Variants in DOCK1 observed in about 807,000 individuals in gnomAD.
DOCK1 encodes the protein dedicator of cytokinesis protein 1.
DOCK1 carries 138 observed loss-of-function variants against 262.7 expected under a neutral mutation model. The ratio of observed to expected loss-of-function variants is 0.53; its 90% CI spans 0.46 to 0.61. The LOEUF (loss-of-function observed/expected upper bound fraction) is 0.61, where lower values mean the gene tolerates loss of function less well. DOCK1 is among the 20% of genes least tolerant of loss of function. The pLI is 0.00. For missense variants in DOCK1, 1,908 were observed against 2,370.7 expected (o/e 0.80, Z 4.05); for synonymous variants, 866 against 867.4 (o/e 1.00, Z 0.03).
At chr10:127,031,286 A>G (rs2043221639) in intron 16 of DOCK1, among the ~76,000 whole-genome samples, 1 of 152,060 alleles carries the variant, frequency 6.6e-6, no homozygotes. Context: ...TTGTCATTTT[A>G]CAGTTACTCT....
At chr10:127,274,829 A>G (rs1026406710) in intron 29 of DOCK1, among the ~76,000 whole-genome samples, 4 of 152,184 alleles carry the variant, frequency 2.6e-5, no homozygotes, top group African/African-American at 4.8e-5. Context: ...ACTTTAATTA[A>G]GAAGAGAAAT....
At chr10:127,431,854 C>A (rs1443035292) in intron 47 of DOCK1, among the ~76,000 whole-genome samples, 1 of 152,152 alleles carries the variant, frequency 6.6e-6, no homozygotes, top group Non-Finnish European at 1.5e-5. Flanking sequence ...GAGGTCCCAG[C>A]CCTCAGGCAG....
rs983805308 is a variant in DOCK1 at position 126,951,008 on chromosome 10, G to T, written c.47-19694G>T. On this transcript the variant is annotated intron_variant, in intron 1 of 51. Transcript: ENST00000623213. ...GTTGGTAGTATTGATGTTGGTGGGG[G>T]TGGTGAAGGTGGTAGTATTGTTGGT... is the stretch of plus-strand genomic sequence containing the variant. Among the ~76,000 whole-genome samples, 269 of 152,112 alleles carry T rather than the reference G, an allele frequency of 1.8e-3. 11 individuals are homozygous for T. The Middle Eastern group carries it at 0.02, about 12-fold the overall frequency.
chr10:127,444,000 C>A, intron 49 of DOCK1, 126 bp from the exon 50 acceptor site: 1 of 1,269,130 alleles, frequency 7.9e-7, no homozygotes, highest in Non-Finnish European at 1.1e-6. Context: ...TTGCAAAGAC[C>A]CTATTTCCAG....
intron 1 of DOCK1, among the ~76,000 whole-genome samples, chr10:126,929,896 G>C (rs1051588233): frequency 1.3e-5 from 2 of 152,118 alleles, no homozygotes; most frequent in African/African-American, 4.8e-5. Flanking sequence ...TGCAGCCACC[G>C]CCACTGCGTA....
At chr10:127,013,401 A>G (rs564593529) in intron 12 of DOCK1, 2 of 152,186 alleles carry the variant, frequency 1.3e-5, no homozygotes, top group Non-Finnish European at 2.9e-5. Flanking sequence ...GATTGGAGTC[A>G]CTCTCAGGCT....
intron 27 of DOCK1, chr10:127,137,055 GA>G (rs1021971616): frequency 2.6e-5 from 4 of 152,616 alleles, no homozygotes; most frequent in African/African-American, 9.7e-5. Flanking sequence ...GATTAAAAAT[GA>G]GATCTAAGAA....
At chr10:127,223,995 TG>T (rs746148239) in intron 27 of DOCK1, among the ~76,000 whole-genome samples, 45 of 152,310 alleles carry the variant, frequency 3.0e-4, no homozygotes, top group Non-Finnish European at 4.7e-4. Flanking sequence ...ATAACTCTGG[TG>T]TTTGTTTTCT....
At chr10:127,211,064 T>C (rs2057951926) in intron 27 of DOCK1, among the ~76,000 whole-genome samples, 1 of 152,232 alleles carries the variant, frequency 6.6e-6, no homozygotes, top group Non-Finnish European at 1.5e-5. Context: ...GTTACGGTAC[T>C]GTTAACTCTG....
At chr10:127,383,632 C>G (rs117704103) in intron 37 of DOCK1, among the ~76,000 whole-genome samples, 3 of 152,334 alleles carry the variant, frequency 2.0e-5, no homozygotes, top group Non-Finnish European at 4.4e-5. Context: ...CTCCCCAGCC[C>G]GTGGTTTCAG....
At chr10:127,293,126 C>T (rs538204498) in intron 29 of DOCK1, among the ~76,000 whole-genome samples, 1 of 152,270 alleles carries the variant, frequency 6.6e-6, no homozygotes, top group Admixed American at 6.5e-5. Flanking sequence ...GTGGAGGACT[C>T]ATACATGATC....
intron 1 of DOCK1, among the ~76,000 whole-genome samples, chr10:126,917,863 C>T (rs1037744966): frequency 6.6e-6 from 1 of 152,124 alleles, no homozygotes; most frequent in African/African-American, 2.4e-5. Flanking sequence ...GCCTGTCTCC[C>T]CCAGGCGCAT....
Position 127,167,189 on chromosome 10 carries a change from TGAA to T in DOCK1, c.2847+39429_2847+39431del, listed in dbSNP as rs537596642. On this transcript the variant is annotated intron_variant, in intron 27 of 51. Coordinates refer to ENST00000623213, the MANE Select transcript of DOCK1 (RefSeq NM_001290223.2). ...GCTTGCTGTGACCCTGTGAATTAAA[TGAA>T]GAAAATGATAGAAAGAATATGAAAT... is the stretch of plus-strand genomic sequence containing the variant. Among the ~76,000 whole-genome samples, 10 of 152,262 alleles carry T rather than the reference TGAA, an allele frequency of 6.6e-5. No homozygotes were observed. The East Asian group carries it at 1.7e-3, about 26-fold the overall frequency.
chr10:127,356,208 C>A (rs984148140), intron 32 of DOCK1, among the ~76,000 whole-genome samples: 3 of 152,220 alleles, frequency 2.0e-5, no homozygotes, highest in African/African-American at 7.2e-5. Context: ...TGTCCTTGGC[C>A]TTCCTGCCAT....
chr10:127,008,634 T>G, intron 10 of DOCK1, 98 bp from the exon 11 acceptor site: 1 of 1,023,962 alleles, frequency 9.8e-7, no homozygotes, highest in Non-Finnish European at 1.5e-6. Flanking sequence ...GCTTTTGCTG[T>G]TGTTTGCCAG....
chr10:127,447,443 C>G lies in DOCK1; in HGVS notation c.5463C>G (p.Pro1821=). Residue 1821 remains proline, a synonymous_variant, in exon 51 of 52, where the codon CCC becomes CCG. Coordinates refer to ENST00000623213, the MANE Select transcript of DOCK1 (RefSeq NM_001290223.2). ...GGGCGGACGTGGCCGATGTCCCACCCCCTCTGCCTCTCAAAGGCAGCGTGG... is the reference window on the plus strand; with the variant it reads ...GGGCGGACGTGGCCGATGTCCCACCGCCTCTGCCTCTCAAAGGCAGCGTGG... ...MTGADVADVP[P]PLPLKGSVAD... The G allele has an allele frequency of 6.2e-7, 1 of 1,613,488 alleles. No individual in the cohort carries two copies. The highest frequency in any genetic ancestry group is 8.5e-7 in the Non-Finnish European group (1 of 1,179,660).
At chr10:126,998,942 C>T (rs74597147) in intron 8 of DOCK1, among the ~76,000 whole-genome samples, 3,837 of 152,204 alleles carry the variant, frequency 0.025, 173 homozygotes, top group African/African-American at 0.088. Context: ...GGATTTTATT[C>T]TCACTTCTGA....
chr10:127,070,303 G>A (rs2046148668), intron 23 of DOCK1, among the ~76,000 whole-genome samples: 1 of 131,088 alleles, frequency 7.6e-6, no homozygotes, highest in Non-Finnish European at 1.5e-5. Context: ...ACCCAGGCTG[G>A]AGAGCAGTGG....
rs372952910 is a variant in DOCK1 at position 126,982,347 on chromosome 10, T to C, written c.227+374T>C. On this transcript the variant is annotated intron_variant, in intron 4 of 51. Transcript: ENST00000623213. ...TGGGAAGACATTGCAGGCTGTGATA[T>C]AAATGGAGTTTAGGGTGAAGCAACA... is the stretch of plus-strand genomic sequence containing the variant. Among the ~76,000 whole-genome samples, 247 of 152,288 alleles carry C rather than the reference T, an allele frequency of 1.6e-3. 1 individual carries two copies. Among genetic ancestry groups the C allele is most frequent in the African/African-American group, 5.5e-3 (228 of 41,542 alleles).
Sources: gnomAD v4.1 joint callset for allele counts (sites outside exome capture counted in the v4.1 genomes callset) on GRCh38, gnomAD v4.1.1 for gene constraint, MANE v1.5 for transcripts, NCBI Gene and HGNC (gene_info 2026-07-23, HGNC 2026-07-21) for gene names.